Variants in AOAH observed in about 807,000 individuals in gnomAD.
AOAH encodes acyloxyacyl hydrolase (neutrophil).
In AOAH, 64 loss-of-function variants were observed where a neutral mutation model predicts 92.2. That is an observed-to-expected ratio of 0.69 (90% CI 0.57 to 0.86). AOAH has a LOEUF of 0.86. Ranked by LOEUF, AOAH falls within the 40% of genes least tolerant of loss-of-function variation. The pLI is 0.00. For missense variants in AOAH, 656 were observed against 694.6 expected (o/e 0.94, Z 0.62); for synonymous variants, 263 against 254.5 (o/e 1.03, Z -0.32).
chr7:36,522,442 A>G lies in AOAH; in HGVS notation c.1523-327T>C, dbSNP rs115008497. ...TGTCATTTTTTGGTGGTGCAGTAGGATGGTATTACAGTAGGGAAAAATCCA... is the reference window on the plus strand; with the variant it reads ...TGTCATTTTTTGGTGGTGCAGTAGGGTGGTATTACAGTAGGGAAAAATCCA... On this transcript the variant is annotated intron_variant, in intron 19 of 20. Coordinates refer to ENST00000617537, the MANE Select transcript of AOAH (RefSeq NM_001637.4). Among the ~76,000 whole-genome samples the G allele has an allele frequency of 3.0e-3, 457 of 152,322 alleles. 4 individuals are homozygous for G. The highest frequency in any genetic ancestry group is 0.011 in the African/African-American group (445 of 41,562).
intron 2 of AOAH, among the ~76,000 whole-genome samples, chr7:36,680,639 G>GT (rs1796589434): frequency 6.6e-6 from 1 of 152,122 alleles, no homozygotes; most frequent in Non-Finnish European, 1.5e-5. Context: ...TAACCATTCT[G>GT]TTTCTGTGTC....
chr7:36,594,062 A>T (rs77732257), intron 12 of AOAH, among the ~76,000 whole-genome samples: 10,297 of 152,280 alleles, frequency 0.068, 426 homozygotes, highest in South Asian at 0.14. Flanking sequence ...TTTTTCCTTG[A>T]ATCAGAAAAT....
At chr7:36,716,337 G>A (rs1359160202) in intron 1 of AOAH, among the ~76,000 whole-genome samples, 4 of 151,004 alleles carry the variant, frequency 2.6e-5, no homozygotes, top group African/African-American at 9.8e-5. Flanking sequence ...GTGCTGGAGA[G>A]GATGTGGAGA....
chr7:36,532,162 C>A lies in AOAH; in HGVS notation c.1410G>T (p.Arg470=). ...ACAGTCATACCTCTGAAGTGAGAGT[C>A]CGCAACGTCTTGTTGGAAGACATCC... is the stretch of plus-strand genomic sequence containing the variant. ...HGWMSSNKTL[R]TLTSERAEQL... The change falls in exon 18 of 21, where the codon CGG becomes CGT. Residue 470 remains arginine, a synonymous_variant. Coordinates refer to ENST00000617537, the MANE Select transcript of AOAH (RefSeq NM_001637.4). The A allele has an allele frequency of 6.2e-7, 1 of 1,614,210 alleles. No homozygotes were observed. Among genetic ancestry groups the A allele is most frequent in the Non-Finnish European group, 8.5e-7 (1 of 1,180,034 alleles).
At chr7:36,642,479 AC>A (rs1793978200) in intron 4 of AOAH, among the ~76,000 whole-genome samples, 3 of 152,188 alleles carry the variant, frequency 2.0e-5, no homozygotes, top group Admixed American at 2.0e-4. Flanking sequence ...TGATTTCTTG[AC>A]CTTGAACTTC....
chr7:36,649,593 A>T (rs1794443706), intron 4 of AOAH, among the ~76,000 whole-genome samples: 1 of 152,220 alleles, frequency 6.6e-6, no homozygotes, highest in South Asian at 2.1e-4. Context: ...GCACAGCAGG[A>T]GGGATAATGA....
intron 13 of AOAH, among the ~76,000 whole-genome samples, chr7:36,569,519 A>ATCTG (rs1302241506): frequency 2.0e-5 from 3 of 148,518 alleles, no homozygotes; most frequent in Non-Finnish European, 4.5e-5. Context: ...CTATCTGTCT[A>ATCTG]TCTTTCTACC....
chr7:36,576,280 C>T (rs1788491372), intron 13 of AOAH, among the ~76,000 whole-genome samples: 1 of 152,198 alleles, frequency 6.6e-6, no homozygotes, highest in Non-Finnish European at 1.5e-5. Flanking sequence ...TTAGGTCTTG[C>T]CTCCTGAGCC....
intron 3 of AOAH, among the ~76,000 whole-genome samples, chr7:36,663,086 A>G (rs1795313910): frequency 6.6e-6 from 1 of 152,164 alleles, no homozygotes; most frequent in Non-Finnish European, 1.5e-5. Context: ...CATAGGAACA[A>G]TTCCCACCTT....
At chr7:36,610,144 A>G (rs1791337920) in intron 11 of AOAH, among the ~76,000 whole-genome samples, 1 of 136,844 alleles carries the variant, frequency 7.3e-6, no homozygotes, top group Non-Finnish European at 1.5e-5. Context: ...TTTTAAGGAG[A>G]ATGCTCCATA....
intron 19 of AOAH, among the ~76,000 whole-genome samples, chr7:36,523,400 T>G (rs1784211422): frequency 6.6e-6 from 1 of 152,208 alleles, no homozygotes; most frequent in Non-Finnish European, 1.5e-5. Flanking sequence ...TGCTGGTAAA[T>G]AGCACTTCTA....
At chr7:36,594,009 T>C (rs1268543031) in intron 12 of AOAH, among the ~76,000 whole-genome samples, 2 of 152,184 alleles carry the variant, frequency 1.3e-5, no homozygotes, top group Non-Finnish European at 2.9e-5. Context: ...CTTTGGCCAT[T>C]ATCTTTACAA....
intron 13 of AOAH, among the ~76,000 whole-genome samples, chr7:36,563,613 T>G (rs1306057155): frequency 6.6e-6 from 1 of 152,218 alleles, no homozygotes; most frequent in African/African-American, 2.4e-5. Context: ...AACCAGAAAC[T>G]GGAATCTGTT....
chr7:36,552,755 T>C (rs1342988368), intron 13 of AOAH, among the ~76,000 whole-genome samples: 1 of 152,216 alleles, frequency 6.6e-6, no homozygotes, highest in African/African-American at 2.4e-5. Flanking sequence ...GTCTTGTGCC[T>C]ATTCTTGCCA....
chr7:36,540,437 G>A lies in AOAH; in HGVS notation c.1188C>T (p.Val396=). ...AATTTAGATGCTTCAGAGTCTGCAT[G>A]ACGTTGGAGTAGAGTTTCTCAGGAG... The part of the protein sequence containing the change: ...MTTPEKLYSN[V]MQTLKHLNSH... Residue 396 remains valine (V), a synonymous_variant, in exon 16 of 21, where the codon GTC becomes GTT. Transcript: ENST00000617537. 6.2e-7 allele frequency: 1 copy of A among 1,614,078 alleles called. No homozygotes were observed. Among genetic ancestry groups the A allele is most frequent in the South Asian group, 1.1e-5 (1 of 91,052 alleles).
In AOAH at chr7:36,603,157, C is replaced by T. The variant is rs563664911; in HGVS notation, c.847-8727G>A. 2.0e-5 allele frequency among the ~76,000 whole-genome samples: 3 copies of T among 152,260 alleles called. No homozygotes were observed. The South Asian group carries it at 6.2e-4, about 32-fold the overall frequency. Reference sequence around the variant, plus strand: ...ATCTCATTTTGAATAAGTGCCCTACCTGACTGCAATGACTGGCCATGTAGG... The same window carrying T: ...ATCTCATTTTGAATAAGTGCCCTACTTGACTGCAATGACTGGCCATGTAGG... On this transcript the variant is annotated intron_variant, in intron 11 of 20. Coordinates refer to ENST00000617537, the MANE Select transcript of AOAH (RefSeq NM_001637.4).
At chr7:36,683,383 G>A (rs1375923468) in intron 2 of AOAH, among the ~76,000 whole-genome samples, 1 of 152,144 alleles carries the variant, frequency 6.6e-6, no homozygotes, top group African/African-American at 2.4e-5. Flanking sequence ...TGCTGATGCA[G>A]CTAAGACTAA....
Position 36,600,827 on chromosome 7 carries a change from G to T in AOAH, c.847-6397C>A, listed in dbSNP as rs1253316558. 2.0e-5 allele frequency among the ~76,000 whole-genome samples: 3 copies of T among 152,186 alleles called. No homozygotes were observed. The East Asian group carries it at 5.8e-4, about 29-fold the overall frequency. On this transcript the variant is annotated intron_variant, in intron 11 of 20. Coordinates refer to ENST00000617537, the MANE Select transcript of AOAH (RefSeq NM_001637.4). The stretch of plus-strand genomic sequence containing the variant: ...GGGGCAGTCTCCCAGATACTGCTTT[G>T]GGTGAAAAGTTCTGAAGTCCACAGA...
In AOAH at chr7:36,714,933, T is replaced by C. The variant is rs577268928; in HGVS notation, c.127+9089A>G. Among the ~76,000 whole-genome samples, 3 of 152,218 alleles carry C rather than the reference T, an allele frequency of 2.0e-5. No homozygotes were observed. In the South Asian group the frequency reaches 6.2e-4, roughly 32 times the overall value. On this transcript the variant is annotated intron_variant, in intron 1 of 20. Coordinates refer to ENST00000617537, the MANE Select transcript of AOAH (RefSeq NM_001637.4). The stretch of plus-strand genomic sequence containing the variant: ...AAACGGGCATAAGACAGGGATGCCC[T>C]CTCTCACCACACCTATTCAACATAG...
Sources: allele counts gnomAD v4.1 joint callset (sites outside exome capture counted in the v4.1 genomes callset), GRCh38; gene constraint gnomAD v4.1.1; transcripts MANE v1.5; gene names NCBI Gene and HGNC (gene_info 2026-07-23, HGNC 2026-07-21).